The following GNAO1 variants were observed in gnomAD, a reference collection of about 807,000 sequenced individuals.
GNAO1 encodes the protein G protein subunit alpha o1.
For synonymous variants in GNAO1, 164 were observed against 180.7 expected (o/e 0.91, Z 0.74); for missense variants, 166 against 478.7 (o/e 0.35, Z 6.10).
At chr16:56,345,036 A>G in intron 6 of GNAO1, 5 of 985,454 alleles carry the variant, frequency 5.1e-6, no homozygotes, top group Non-Finnish European at 6.0e-6. Context: ...ATTTGGACCC[A>G]GGCCAGCACA....
At chr16:56,333,677 T>G (rs1567487828) in intron 4 of GNAO1, among the ~76,000 whole-genome samples, 1 of 152,218 alleles carries the variant, frequency 6.6e-6, no homozygotes, top group Non-Finnish European at 1.5e-5. Context: ...CCTGTGGACA[T>G]CCATGAGCTG....
At chr16:56,345,641 A>G in intron 6 of GNAO1, 1 of 985,448 alleles carries the variant, frequency 1.0e-6, no homozygotes, top group Non-Finnish European at 1.2e-6. Context: ...CACCTCGGTC[A>G]TGTTTTGGAC....
chr16:56,344,005 C>G, intron 6 of GNAO1: 1 of 1,595,836 alleles, frequency 6.3e-7, no homozygotes, highest in Non-Finnish European at 8.5e-7. Context: ...CCCCCCCTCC[C>G]CTGGAACCAG....
At position 56,351,581 on chromosome 16, in the gene GNAO1, C is replaced by G. The variant is rs377740366; in HGVS notation, c.877+44C>G. The G allele has an allele frequency of 1.3e-6, 2 of 1,527,184 alleles. No homozygotes were observed. The highest frequency in any genetic ancestry group is 2.7e-5 in the African/African-American group (2 of 73,348). 94.6% of individuals were successfully genotyped at this position (1,527,184 alleles called of 1,614,324 possible). ...TGTGCAGGGGGAAGCCTGCCCCTGA[C>G]AGGGACCCATGGCTCAGAGAACAGG... On this transcript the variant is annotated intron_variant, in intron 7 of 8. Coordinates refer to ENST00000262493, the MANE Select transcript of GNAO1 (RefSeq NM_020988.3). The surrounding 1 kb of genome is among the most constrained non-coding windows in gnomAD (Gnocchi z 6.1).
chr16:56,262,837 CTG>C (rs1242177365), intron 2 of GNAO1, among the ~76,000 whole-genome samples: 2 of 152,190 alleles, frequency 1.3e-5, no homozygotes, highest in South Asian at 2.1e-4. Flanking sequence ...GCCGCTTTTA[CTG>C]TGTTTAACAA....
intron 2 of GNAO1, among the ~76,000 whole-genome samples, chr16:56,212,586 GATATAATT>G (rs2036399773): frequency 6.6e-6 from 1 of 152,224 alleles, no homozygotes; most frequent in Non-Finnish European, 1.5e-5. Context: ...GAATGAATAG[GATATAATT>G]GAGGACCTGA....
At chr16:56,325,847 G>A (rs868243329) in intron 3 of GNAO1, among the ~76,000 whole-genome samples, 1 of 152,124 alleles carries the variant, frequency 6.6e-6, no homozygotes, top group Non-Finnish European at 1.5e-5. Context: ...CTTCTTTCTG[G>A]TAGCTTTATT....
chr16:56,257,501 C>A (rs2036863170), intron 2 of GNAO1, among the ~76,000 whole-genome samples: 3 of 152,164 alleles, frequency 2.0e-5, no homozygotes, highest in African/African-American at 4.8e-5. Flanking sequence ...CCGTGGCCAA[C>A]CTTCCAGCTG....
At chr16:56,274,590 G>T (rs939160197) in intron 2 of GNAO1, among the ~76,000 whole-genome samples, 3 of 152,172 alleles carry the variant, frequency 2.0e-5, no homozygotes, top group Non-Finnish European at 2.9e-5. Context: ...TAATAAAAAG[G>T]AATGAGCTAC....
chr16:56,343,663 GC>G, intron 6 of GNAO1: 1 of 894,894 alleles, frequency 1.1e-6, no homozygotes. Context: ...TCTCTGAGAG[GC>G]CCAAGGCCGG....
chr16:56,326,972 C>G lies in GNAO1; in HGVS notation c.304-1659C>G, dbSNP rs1018403641. ...AGAGGCTGGGCCTGGAGTCCGAAGG[C>G]ACCTCATCTTGAGTCCCACCCCTGC... On this transcript the variant is annotated intron_variant, in intron 3 of 8. Coordinates refer to ENST00000262493, the MANE Select transcript of GNAO1 (RefSeq NM_020988.3). The surrounding 1 kb of genome is among the most constrained non-coding windows in gnomAD (Gnocchi z 4.8). Among the ~76,000 whole-genome samples, 2 of 152,176 alleles carry G rather than the reference C, an allele frequency of 1.3e-5. No homozygotes were observed. Among genetic ancestry groups the G allele is most frequent in the African/African-American group, 4.8e-5 (2 of 41,450 alleles).
chr16:56,245,947 C>T lies in GNAO1; in HGVS notation c.162-29984C>T, dbSNP rs570827279. ...TGGGTGTGTAGGGGGGTAAGGGGCA[C>T]CAGGATTCAAACTCGGATCTTAATG... On this transcript the variant is annotated intron_variant, in intron 2 of 8. Coordinates refer to ENST00000262493, the MANE Select transcript of GNAO1 (RefSeq NM_020988.3). Among the ~76,000 whole-genome samples the T allele has an allele frequency of 9.2e-5, 14 of 152,104 alleles. 1 individual carries two copies. The South Asian group carries it at 2.3e-3, about 25-fold the overall frequency.
chr16:56,221,194 C>G (rs1276526912), intron 2 of GNAO1, among the ~76,000 whole-genome samples: 1 of 152,208 alleles, frequency 6.6e-6, no homozygotes. Flanking sequence ...ACTCCCCAAC[C>G]TCTACAACTG....
chr16:56,240,360 C>T (rs1004611578), intron 2 of GNAO1, among the ~76,000 whole-genome samples: 2 of 152,136 alleles, frequency 1.3e-5, no homozygotes, highest in African/African-American at 4.8e-5. Flanking sequence ...TATTGGGCAC[C>T]CGTGCTGGTG....
chr16:56,292,646 GC>G (rs2143563117), intron 3 of GNAO1, among the ~76,000 whole-genome samples: 1 of 152,312 alleles, frequency 6.6e-6, no homozygotes, highest in East Asian at 1.9e-4. Context: ...ACAAGCATGA[GC>G]CACTATGCCT....
At chr16:56,257,457 G>A (rs1437225752) in intron 2 of GNAO1, among the ~76,000 whole-genome samples, 1 of 152,156 alleles carries the variant, frequency 6.6e-6, no homozygotes, top group Non-Finnish European at 1.5e-5. Context: ...TGTTCCGTGT[G>A]TCTGACCAAG....
At chr16:56,256,788 T>G (rs1321151613) in intron 2 of GNAO1, among the ~76,000 whole-genome samples, 5 of 151,216 alleles carry the variant, frequency 3.3e-5, no homozygotes, top group African/African-American at 1.2e-4. Flanking sequence ...AGGCTATCCC[T>G]ATGGCTGCAC....
intron 2 of GNAO1, among the ~76,000 whole-genome samples, chr16:56,247,022 A>G (rs2036752157): frequency 6.6e-6 from 1 of 152,228 alleles, no homozygotes; most frequent in South Asian, 2.1e-4. Context: ...GCCCTCTGCC[A>G]GAGTAACAGC....
rs1435466171 is a variant in GNAO1, at chr16:56,311,274, G to T, written c.304-17357G>T. Among the ~76,000 whole-genome samples, 1 of 152,066 alleles carries T rather than the reference G, an allele frequency of 6.6e-6. No individual in the cohort carries two copies. The highest frequency in any genetic ancestry group is 1.5e-5 in the Non-Finnish European group (1 of 67,988). ...TGGAGGGGAGTGGAACCTGAGCCCAGGTGGCATTTGGTGGCCCTGTAGTTT... is the reference window on the plus strand; with the variant it reads ...TGGAGGGGAGTGGAACCTGAGCCCATGTGGCATTTGGTGGCCCTGTAGTTT... On this transcript the variant is annotated intron_variant, in intron 3 of 8. Transcript: ENST00000262493. The surrounding 1 kb of genome is among the most constrained non-coding windows in gnomAD (Gnocchi z 5.2).
Sources: gnomAD v4.1 joint callset for allele counts (sites outside exome capture counted in the v4.1 genomes callset) on GRCh38, gnomAD v4.1.1 for gene constraint, Gnocchi (gnomAD v3.1) non-coding constraint, MANE v1.5 for transcripts, NCBI Gene and HGNC (gene_info 2026-07-23, HGNC 2026-07-21) for gene names.